The following VWA8 variants were observed in gnomAD, a reference collection of about 807,000 sequenced individuals.
The protein encoded by VWA8 is von Willebrand factor A domain-containing protein 8.
In VWA8, 221 loss-of-function variants were observed where a neutral mutation model predicts 241.5. That is an observed-to-expected ratio of 0.91 (90% CI 0.82 to 1.02). The LOEUF (loss-of-function observed/expected upper bound fraction) is 1.02. Among genes scored for constraint, VWA8 ranks in the 50% least tolerant of loss-of-function variants. The pLI, the probability that VWA8 is intolerant of heterozygous loss-of-function variation, is 0.00. For synonymous variants in VWA8, 852 were observed against 827.1 expected (o/e 1.03, Z -0.52); for missense variants, 2,322 against 2,328.7 (o/e 1.00, Z 0.06).
chr13:41,740,334 A>G (rs967608768), intron 21 of VWA8, among the ~76,000 whole-genome samples: 1 of 152,220 alleles, frequency 6.6e-6, no homozygotes, highest in Non-Finnish European at 1.5e-5. Flanking sequence ...TGTCATAGTG[A>G]TATAGATTTT....
intron 20 of VWA8, among the ~76,000 whole-genome samples, chr13:41,768,903 CTTTT>C (rs34257749): frequency 5.5e-5 from 7 of 128,246 alleles, no homozygotes; most frequent in Admixed American, 7.9e-5. Flanking sequence ...AAAACAATGC[CTTTT>C]TTTTTTTTTT....
intron 12 of VWA8, among the ~76,000 whole-genome samples, chr13:41,845,960 C>T (rs1424282555): frequency 2.0e-5 from 3 of 152,018 alleles, no homozygotes; most frequent in South Asian, 2.1e-4. Flanking sequence ...AACCTGCACA[C>T]GTACTTCCTG....
intron 26 of VWA8, among the ~76,000 whole-genome samples, chr13:41,718,726 T>G (rs2045362986): frequency 6.6e-6 from 1 of 151,458 alleles, no homozygotes; most frequent in Admixed American, 6.6e-5. Flanking sequence ...CAACTTTTTT[T>G]GCTAATCACT....
chr13:41,783,795 C>T lies in VWA8; in HGVS notation c.2277G>A (p.Gln759=), dbSNP rs1219951055. ...VPDVLFYDNI[Q]HVIVMEDMLK... ...CAAGAACACAAAGCAATACTCTTAC[C>T]TGAATGTTGTCATAGAAAAGAACAT... The change falls in exon 19 of 45, where the codon CAG becomes CAA. Residue 759 remains glutamine (Q), a splice_region_variant and synonymous_variant. Transcript: ENST00000379310. The T allele has an allele frequency of 6.2e-7, 1 of 1,609,506 alleles. No individual in the cohort carries two copies. The highest frequency in any genetic ancestry group is 2.2e-5 in the East Asian group (1 of 44,774).
intron 17 of VWA8, among the ~76,000 whole-genome samples, chr13:41,794,024 G>A (rs1190350298): frequency 6.6e-6 from 1 of 151,752 alleles, no homozygotes; most frequent in Admixed American, 6.6e-5. Context: ...CTAGCACTGT[G>A]TTGTTTTGGT....
At chr13:41,884,579 G>GA (rs11441652) in intron 8 of VWA8, among the ~76,000 whole-genome samples, 68,225 of 145,104 alleles carry the variant, frequency 0.47, 17,435 homozygotes, top group South Asian at 0.67. Flanking sequence ...AATGGTTCAG[G>GA]AAAAAAAAAA....
intron 16 of VWA8, among the ~76,000 whole-genome samples, chr13:41,812,130 G>A (rs1340055074): frequency 6.6e-6 from 1 of 152,090 alleles, no homozygotes; most frequent in African/African-American, 2.4e-5. Context: ...CTTTAAGGTT[G>A]TTATGAAGGT....
intron 12 of VWA8, among the ~76,000 whole-genome samples, chr13:41,849,744 G>A (rs973199901): frequency 5.9e-5 from 9 of 152,078 alleles, no homozygotes; most frequent in Non-Finnish European, 7.4e-5. Flanking sequence ...AAAAGTGGCC[G>A]GGCACGATGG....
chr13:41,818,292 C>G, intron 15 of VWA8, among the ~76,000 whole-genome samples: 1 of 141,528 alleles, frequency 7.1e-6, no homozygotes, highest in African/African-American at 2.5e-5. Context: ...TTAACATGGT[C>G]AGGTGTGGTG....
Position 41,567,091 on chromosome 13 carries a change from A to T in VWA8, c.*1106T>A, listed in dbSNP as rs773119783. The T allele has an allele frequency of 6.6e-6, 1 of 152,180 alleles. No individual in the cohort carries two copies. The highest frequency in any genetic ancestry group is 2.4e-5 in the African/African-American group (1 of 41,446). 9.4% of individuals were successfully genotyped at this position (152,180 alleles called of 1,614,324 possible). A position where few individuals can be genotyped will look rare whatever the true frequency, so the allele number is the denominator to read the frequency against. ...TATCAATCGTGAAGAGGAGTTTTTA[A>T]ATTATATGGTTAAAGAGAGAATGAC... On this transcript the variant is annotated 3_prime_UTR_variant, in exon 45 of 45. Coordinates refer to ENST00000379310, the MANE Select transcript of VWA8 (RefSeq NM_015058.2).
chr13:41,689,430 T>G lies in VWA8; in HGVS notation c.4055A>C (p.Lys1352Thr). ...SEHLSSAVEQ[K>T]IASPNRILSD... The stretch of plus-strand genomic sequence containing the variant: ...GAGAATTCTGTTGGGAGAGGCAATC[T>G]TTTGTTCCACAGCTGAACTTAGATG... The change falls in exon 34 of 45, where the codon AAG becomes ACG. Residue 1352 changes from lysine to threonine, a missense_variant. By Grantham distance (78) the Lys-to-Thr change is moderately conservative (BLOSUM62 -1). Transcript: ENST00000379310. 3.1e-6 allele frequency: 5 copies of G among 1,612,168 alleles called. No individual in the cohort carries two copies. Among genetic ancestry groups the G allele is most frequent in the Non-Finnish European group, 4.2e-6 (5 of 1,179,150 alleles).
intron 40 of VWA8, among the ~76,000 whole-genome samples, chr13:41,601,810 T>C (rs114891707): frequency 0.015 from 2,315 of 152,238 alleles, 50 homozygotes; most frequent in African/African-American, 0.05. Context: ...GACATTAACA[T>C]GGGTGGCAAC....
chr13:41,919,283 G>A (rs531527885), intron 2 of VWA8, among the ~76,000 whole-genome samples: 1 of 152,234 alleles, frequency 6.6e-6, no homozygotes, highest in East Asian at 1.9e-4. Flanking sequence ...TAAGCAGAAG[G>A]ACACTACCAG....
chr13:41,861,202 C>T (rs999334485), intron 12 of VWA8, among the ~76,000 whole-genome samples: 1 of 151,862 alleles, frequency 6.6e-6, no homozygotes, highest in Non-Finnish European at 1.5e-5. Context: ...CAGTGCGAGA[C>T]TCCATCTCAA....
chr13:41,725,732 T>C (rs1401182870), intron 24 of VWA8, among the ~76,000 whole-genome samples: 1 of 152,120 alleles, frequency 6.6e-6, no homozygotes, highest in Non-Finnish European at 1.5e-5. Context: ...TTAAAATAAA[T>C]GTGATAAGGA....
Position 41,605,249 on chromosome 13 carries a change from G to A in VWA8, c.4905C>T (p.Tyr1635=), listed in dbSNP as rs754238813. Residue 1635 remains tyrosine (Y), a synonymous_variant, in exon 40 of 45, where the codon TAC becomes TAT. Transcript: ENST00000379310. ...QRLKEIQMSE[Y]DAATYERFSG... ...AAAACCTTTCATAGGTTGCAGCATC[G>A]TATTCACTCATTTGGATCTCCTTTA... is the stretch of plus-strand genomic sequence containing the variant. The A allele has an allele frequency of 6.2e-6, 10 of 1,612,814 alleles. No homozygotes were observed. In the African/African-American group the frequency reaches 8.0e-5, roughly 13 times the overall value.
At chr13:41,605,079 T>A in intron 40 of VWA8, 89 bp downstream of exon 40, 1 of 1,300,676 alleles carries the variant, frequency 7.7e-7, no homozygotes, top group Non-Finnish European at 1.1e-6. Context: ...GACTGGCTAA[T>A]TAGGGTTCAG....
At chr13:41,612,687 G>A (rs184072801) in intron 38 of VWA8, among the ~76,000 whole-genome samples, 94 of 152,274 alleles carry the variant, frequency 6.2e-4, no homozygotes, top group African/African-American at 1.9e-3. Flanking sequence ...CTAGTAACCT[G>A]TTTCTTTTGT....
At chr13:41,648,152 G>A (rs753408736) in intron 37 of VWA8, among the ~76,000 whole-genome samples, 2 of 152,080 alleles carry the variant, frequency 1.3e-5, no homozygotes, top group African/African-American at 4.8e-5. Flanking sequence ...GGACGGTGTC[G>A]GTAGTCCCCT....
Sources: gnomAD v4.1 joint callset for allele counts (sites outside exome capture counted in the v4.1 genomes callset) on GRCh38, gnomAD v4.1.1 for gene constraint, MANE v1.5 for transcripts, NCBI Gene and HGNC (gene_info 2026-07-23, HGNC 2026-07-21) for gene names.